INPP5K: variants seen among roughly 807,000 people sequenced by gnomAD.
INPP5K encodes inositol polyphosphate 5-phosphatase K.
INPP5K carries 35 observed loss-of-function variants against 53.5 expected under a neutral mutation model. The observed-to-expected ratio is 0.65, with a 90% CI of 0.50 to 0.87. The LOEUF is 0.87. Ranked by LOEUF, INPP5K falls within the 40% of genes least tolerant of loss-of-function variation. INPP5K has a pLI of 0.00. For synonymous variants in INPP5K, 253 were observed against 232.8 expected (o/e 1.09, Z -0.79); for missense variants, 550 against 586.2 (o/e 0.94, Z 0.64).
At chr17:1,499,664 T>C (rs2074955111) in intron 7 of INPP5K, among the ~76,000 whole-genome samples, 1 of 152,170 alleles carries the variant, frequency 6.6e-6, no homozygotes, top group Admixed American at 6.5e-5. Context: ...CCGAAGCAAC[T>C]ACTGTGGCAG....
intron 8 of INPP5K, among the ~76,000 whole-genome samples, chr17:1,497,600 CCGT>C (rs2074889500): frequency 1.3e-5 from 2 of 152,058 alleles, no homozygotes; most frequent in African/African-American, 2.4e-5. Context: ...GAGGGAGCGC[CCGT>C]TGCAACTTGA....
chr17:1,500,511 C>T (rs138589253), intron 7 of INPP5K, among the ~76,000 whole-genome samples: 3,708 of 152,136 alleles, frequency 0.024, 67 homozygotes, highest in Non-Finnish European at 0.035. Context: ...ATTACAGGCG[C>T]CTGCCACCAT....
At chr17:1,501,932 G>C (rs1238801674) in intron 7 of INPP5K, among the ~76,000 whole-genome samples, 1 of 151,982 alleles carries the variant, frequency 6.6e-6, no homozygotes, top group Non-Finnish European at 1.5e-5. Context: ...CTACTCAGGA[G>C]GCTGAGGCAG....
intron 1 of INPP5K, among the ~76,000 whole-genome samples, chr17:1,515,125 C>T (rs2075403103): frequency 6.6e-6 from 1 of 152,008 alleles, no homozygotes; most frequent in Non-Finnish European, 1.5e-5. Context: ...CAGGCTGGTC[C>T]TGAACTCCTG....
chr17:1,509,406 CCT>C (rs929605192), intron 4 of INPP5K, 53 bp from the exon 5 acceptor site: 67 of 1,530,382 alleles, frequency 4.4e-5, no homozygotes, highest in Non-Finnish European at 5.5e-5. Flanking sequence ...TGGACACACC[CCT>C]CTTTCCACAT....
chr17:1,511,559 A>G (rs1037078815), intron 3 of INPP5K, among the ~76,000 whole-genome samples: 5 of 152,120 alleles, frequency 3.3e-5, no homozygotes, highest in Non-Finnish European at 2.9e-5. Flanking sequence ...AGCAGGGGGA[A>G]CCTCAAACCC....
At chr17:1,511,542 G>C (rs1156572509) in intron 3 of INPP5K, among the ~76,000 whole-genome samples, 1 of 152,194 alleles carries the variant, frequency 6.6e-6, no homozygotes, top group Non-Finnish European at 1.5e-5. Context: ...TGGCATAGCG[G>C]AGTCGAAGCA....
chr17:1,512,787 C>T (rs2075338817), intron 3 of INPP5K, among the ~76,000 whole-genome samples: 1 of 152,170 alleles, frequency 6.6e-6, no homozygotes, highest in African/African-American at 2.4e-5. Context: ...AACCTCTGGA[C>T]CCCCAGAATC....
At chr17:1,507,157 T>G in intron 6 of INPP5K, 68 bp from the exon 7 acceptor site, 1 of 1,175,946 alleles carries the variant, frequency 8.5e-7, no homozygotes, top group African/African-American at 1.5e-5. Context: ...CACACTCCAT[T>G]CAAGGGATCA....
chr17:1,498,327 G>C (rs1320214374), intron 7 of INPP5K: 8 of 456,162 alleles, frequency 1.8e-5, no homozygotes, highest in Non-Finnish European at 3.9e-6. Context: ...GCACTTGTCA[G>C]ACTTAGCCAG....
chr17:1,508,342 G>A (rs2075214721), intron 5 of INPP5K, 116 bp from the exon 6 acceptor site: 3 of 790,944 alleles, frequency 3.8e-6, no homozygotes, highest in South Asian at 2.9e-5. Flanking sequence ...AACCTGAGGG[G>A]CAAGTGAGAC....
In INPP5K at chr17:1,494,886, A is replaced by T. The variant is rs2074786558; in HGVS notation, c.*937T>A. 6.6e-6 allele frequency: 1 copy of T among 152,274 alleles called. No individual in the cohort carries two copies. The highest frequency in any genetic ancestry group is 2.4e-5 in the African/African-American group (1 of 41,458). The allele number at this position is 152,274 out of a possible 1,614,324, so 9.4% of individuals were successfully genotyped here. On this transcript the variant is annotated 3_prime_UTR_variant, in exon 12 of 12. Transcript: ENST00000421807. ...GTGTTCTCTGAAGAACCCCAGGGCC[A>T]GATCCTCCAAAATGTCTTGAGCTGG...
intron 1 of INPP5K, 135 bp downstream of exon 1, chr17:1,516,321 G>C: frequency 3.8e-6 from 4 of 1,062,756 alleles, no homozygotes; most frequent in Non-Finnish European, 5.3e-6. Context: ...CCTGACACAG[G>C]CGTGGGAGAA....
At chr17:1,507,260 A>C in intron 6 of INPP5K, 171 bp from the exon 7 acceptor site, 1 of 577,604 alleles carries the variant, frequency 1.7e-6, no homozygotes. Flanking sequence ...TCCCACCAGA[A>C]AGCAGGCGAA....
At chr17:1,513,641 G>A (rs561736871) in intron 2 of INPP5K, 80 bp from the exon 3 acceptor site, 86 of 1,264,396 alleles carry the variant, frequency 6.8e-5, no homozygotes, top group Middle Eastern at 6.5e-4. Context: ...CCATCTTCAC[G>A]GACTTTCAAG....
chr17:1,506,658 G>C (rs1462125159), intron 7 of INPP5K, among the ~76,000 whole-genome samples: 1 of 152,178 alleles, frequency 6.6e-6, no homozygotes, highest in Non-Finnish European at 1.5e-5. Flanking sequence ...AAGGTCTGGG[G>C]TTTCCCGAAG....
intron 10 of INPP5K, 66 bp downstream of exon 10, chr17:1,496,253 T>C: frequency 1.3e-6 from 2 of 1,508,138 alleles, no homozygotes; most frequent in Non-Finnish European, 1.8e-6. Flanking sequence ...ACTCTGTTCC[T>C]TCCACAAGAC....
intron 7 of INPP5K, 24 bp from the exon 8 acceptor site, chr17:1,498,146 A>AG: frequency 6.4e-7 from 1 of 1,568,332 alleles, no homozygotes; most frequent in Middle Eastern, 1.7e-4. Flanking sequence ...GGGCATAAAG[A>AG]GGAAGAATGG....
In INPP5K at chr17:1,513,865, T is replaced by C; in HGVS notation, c.152+7A>G. On this transcript the variant is annotated splice_region_variant and intron_variant, in intron 2 of 11. Transcript: ENST00000421807. ...AGGGATGGGCGAAGGAGCCTGCAGA[T>C]ACCTACCCAATAACATATATGTCAA... The C allele has an allele frequency of 6.2e-7, 1 of 1,602,674 alleles. No homozygotes were observed. Among genetic ancestry groups the C allele is most frequent in the South Asian group, 1.1e-5 (1 of 90,460 alleles).
Sources: gnomAD v4.1 joint callset for allele counts (sites outside exome capture counted in the v4.1 genomes callset) on GRCh38, gnomAD v4.1.1 for gene constraint, MANE v1.5 for transcripts, NCBI Gene and HGNC (gene_info 2026-07-23, HGNC 2026-07-21) for gene names.